Variants in TMEM260 observed in about 807,000 individuals in gnomAD.
The protein encoded by TMEM260 is protein O-mannosyl-transferase TMEM260.
Under a neutral mutation model 88.9 loss-of-function variants are expected in TMEM260, and 82 were observed. The observed-to-expected ratio is 0.92, with a 90% CI of 0.77 to 1.11. TMEM260 has a LOEUF of 1.11. TMEM260 is among the 50% of genes least tolerant of loss of function. The probability of loss-of-function intolerance (pLI) is 0.00; values close to 1 mark genes in which losing one functional copy is unlikely to be tolerated. For missense variants in TMEM260, 902 were observed against 853.4 expected (o/e 1.06, Z -0.71); for synonymous variants, 314 against 309.3 (o/e 1.02, Z -0.16).
At chr14:56,642,893 TAAACTAG>T (rs927778961) in intron 15 of TMEM260, among the ~76,000 whole-genome samples, 30 of 152,058 alleles carry the variant, frequency 2.0e-4, no homozygotes, top group African/African-American at 6.5e-4. Flanking sequence ...TCTATGCAAA[TAAACTAG>T]AAACTAATCT....
At chr14:56,621,288 T>C (rs1887900985) in intron 10 of TMEM260, among the ~76,000 whole-genome samples, 1 of 152,160 alleles carries the variant, frequency 6.6e-6, no homozygotes, top group African/African-American at 2.4e-5. Context: ...GATTCCCTTT[T>C]TCTGGAAATG....
intron 3 of TMEM260, chr14:56,593,251 T>C (rs1885977018): frequency 6.6e-6 from 1 of 152,092 alleles, no homozygotes. Flanking sequence ...GTTGCTCACA[T>C]TTGATGCTTA....
intron 5 of TMEM260, among the ~76,000 whole-genome samples, chr14:56,607,146 T>G (rs1886962798): frequency 6.6e-6 from 1 of 152,216 alleles, no homozygotes; most frequent in African/African-American, 2.4e-5. Flanking sequence ...GTGAAGCTTT[T>G]CTATGGAATA....
At chr14:56,600,269 C>T (rs1261670835) in intron 3 of TMEM260, among the ~76,000 whole-genome samples, 1 of 152,138 alleles carries the variant, frequency 6.6e-6, no homozygotes, top group Non-Finnish European at 1.5e-5. Context: ...CGTACGTCCT[C>T]TCTTCTGTTT....
rs1447527195 is a variant in TMEM260 at position 56,579,813 on chromosome 14, G to A, written c.-102G>A. ...GCGGAGGCTCGACCCGGAAGCCGCC[G>A]TGGCCGCCGCACAAGCTGCGCTCGT... On this transcript the variant is annotated 5_prime_UTR_variant, in exon 1 of 16. In the 5' UTR this introduces an upstream ATG that the reference lacks. Coordinates refer to ENST00000261556, the MANE Select transcript of TMEM260 (RefSeq NM_017799.4). 15 of 1,156,072 alleles carry A rather than the reference G, an allele frequency of 1.3e-5. No individual in the cohort carries two copies. Among genetic ancestry groups the A allele is most frequent in the African/African-American group, 1.6e-5 (1 of 62,788 alleles). 71.6% of individuals were successfully genotyped at this position (1,156,072 alleles called of 1,614,324 possible). A position where few individuals can be genotyped will look rare whatever the true frequency, so the allele number is the denominator to read the frequency against.
At chr14:56,599,676 A>G (rs569304352) in intron 3 of TMEM260, among the ~76,000 whole-genome samples, 1 of 152,334 alleles carries the variant, frequency 6.6e-6, no homozygotes, top group South Asian at 2.1e-4. Context: ...GATCTTCAGT[A>G]TGTTTTCGTT....
chr14:56,612,061 C>G (rs1181124677), intron 6 of TMEM260, among the ~76,000 whole-genome samples, 184 bp from the exon 7 acceptor site: 1 of 152,128 alleles, frequency 6.6e-6, no homozygotes, highest in Non-Finnish European at 1.5e-5. Flanking sequence ...ATGAAATAGT[C>G]TGTACACCAA....
intron 11 of TMEM260, among the ~76,000 whole-genome samples, chr14:56,624,211 TA>T (rs1421960613): frequency 1.3e-5 from 2 of 152,212 alleles, no homozygotes; most frequent in African/African-American, 2.4e-5. Context: ...TTTTAATGAA[TA>T]AAATAATGGC....
At chr14:56,628,825 A>G (rs1342082452) in intron 12 of TMEM260, among the ~76,000 whole-genome samples, 2 of 151,964 alleles carry the variant, frequency 1.3e-5, no homozygotes, top group Admixed American at 6.6e-5. Flanking sequence ...TTTGCATTTA[A>G]TATAAATATT....
rs542277566 is a variant in TMEM260 at position 56,629,275 on chromosome 14, T to G, written c.1548-3720T>G. ...GGTAAAGTTTTTGTTTTTGTTGTTT[T>G]TTTTTTTTTTTGAAGCTGGTTGCTG... On this transcript the variant is annotated intron_variant, in intron 12 of 15. Transcript: ENST00000261556. 3.4e-4 allele frequency among the ~76,000 whole-genome samples: 51 copies of G among 150,978 alleles called. No individual in the cohort carries two copies. In the South Asian group the frequency reaches 4.8e-3, roughly 14 times the overall value.
Position 56,579,914 on chromosome 14 carries a change from C to A in TMEM260, c.-1C>A. 8.1e-7 allele frequency: 1 copy of A among 1,233,766 alleles called. No individual in the cohort carries two copies. The highest frequency in any genetic ancestry group is 3.2e-5 in the East Asian group (1 of 31,694). 76.4% of individuals were successfully genotyped at this position (1,233,766 alleles called of 1,614,324 possible). A position where few individuals can be genotyped will look rare whatever the true frequency, so the allele number is the denominator to read the frequency against. Reference sequence around the variant, plus strand: ...CCTTCTCCCTCGGTCGCCACTGGCCCATGAGTCCCCATGGCGACGGCAGGG... The same window carrying A: ...CCTTCTCCCTCGGTCGCCACTGGCCAATGAGTCCCCATGGCGACGGCAGGG... On this transcript the variant is annotated 5_prime_UTR_variant, in exon 1 of 16. Transcript: ENST00000261556.
chr14:56,599,378 C>T (rs1886430798), intron 3 of TMEM260, among the ~76,000 whole-genome samples: 1 of 152,132 alleles, frequency 6.6e-6, no homozygotes, highest in South Asian at 2.1e-4. Flanking sequence ...GCCATGTGTA[C>T]TGACGCTCCT....
intron 7 of TMEM260, among the ~76,000 whole-genome samples, chr14:56,614,957 G>A (rs1371122975): frequency 6.6e-6 from 1 of 152,128 alleles, no homozygotes; most frequent in Non-Finnish European, 1.5e-5. Context: ...TTGCAATCCT[G>A]TACAAGGAAA....
chr14:56,617,098 G>T, intron 8 of TMEM260, 85 bp from the exon 9 acceptor site: 1 of 791,992 alleles, frequency 1.3e-6, no homozygotes, highest in Non-Finnish European at 1.8e-6. Context: ...AGTTTTTATA[G>T]ATCTAATAGT....
intron 9 of TMEM260, among the ~76,000 whole-genome samples, chr14:56,618,322 A>G (rs374940515): frequency 1.5e-3 from 222 of 152,328 alleles, no homozygotes; most frequent in Non-Finnish European, 2.3e-3. Flanking sequence ...TTCAGCCTGT[A>G]TATTACTGGA....
intron 1 of TMEM260, among the ~76,000 whole-genome samples, chr14:56,584,319 G>C (rs779803136): frequency 1.3e-5 from 2 of 152,036 alleles, no homozygotes; most frequent in Non-Finnish European, 2.9e-5. Context: ...GTCAGAAATA[G>C]TCCCTGTGCT....
chr14:56,607,316 A>G (rs1218760968), intron 5 of TMEM260, among the ~76,000 whole-genome samples: 1 of 152,206 alleles, frequency 6.6e-6, no homozygotes, highest in Admixed American at 6.5e-5. Flanking sequence ...AAGGAGAGGC[A>G]TATACTTTCT....
Position 56,618,638 on chromosome 14 carries a change from C to T in TMEM260, c.1101C>T (p.Leu367=), listed in dbSNP as rs761458932. ...AGAGCAATGCAGTAGTGGCCGTCCT[C>T]GCTGGCATTGGTTTGGCTGCAGTTG... is the stretch of plus-strand genomic sequence containing the variant. The part of the protein sequence containing the change: ...WMQSNAVVAV[L]AGIGLAAVVS... The change falls in exon 10 of 16, where the codon CTC becomes CTT. Residue 367 remains leucine, a synonymous_variant. Transcript: ENST00000261556. 1.5e-5 allele frequency: 24 copies of T among 1,614,046 alleles called. No homozygotes were observed. Among genetic ancestry groups the T allele is most frequent in the East Asian group, 6.7e-5 (3 of 44,900 alleles).
rs376060041 is a variant in TMEM260, at chr14:56,621,669, G to C, written c.1365G>C (p.Gly455=). ...TCCGTTACATGCATTACTGTGAGGG[G>C]TTGAGGCCTGACATTTCATTAGTGG... ...NSLRYMHYCE[G]LRPDISLVDQ... is the part of the protein sequence containing the mutation. The change falls in exon 11 of 16, where the codon GGG becomes GGC. Residue 455 remains glycine, a synonymous_variant. Coordinates refer to ENST00000261556, the MANE Select transcript of TMEM260 (RefSeq NM_017799.4). 1 of 1,612,034 alleles carries C rather than the reference G, an allele frequency of 6.2e-7. No homozygotes were observed. The highest frequency in any genetic ancestry group is 1.7e-5 in the Admixed American group (1 of 59,648).
Sources: allele counts gnomAD v4.1 joint callset (sites outside exome capture counted in the v4.1 genomes callset), GRCh38; gene constraint gnomAD v4.1.1; transcripts MANE v1.5; gene names NCBI Gene and HGNC (gene_info 2026-07-23, HGNC 2026-07-21).